The following RDH11 variants were observed in gnomAD, a reference collection of about 807,000 sequenced individuals.
The protein encoded by RDH11 is HCV core-binding protein HCBP12.
RDH11 carries 19 observed loss-of-function variants against 33.4 expected under a neutral mutation model. The ratio of observed to expected loss-of-function variants is 0.57; its 90% CI spans 0.40 to 0.83. The LOEUF (loss-of-function observed/expected upper bound fraction) is 0.83. RDH11 is among the 40% of genes least tolerant of loss of function. The pLI, the probability that RDH11 is intolerant of heterozygous loss-of-function variation, is 0.00. For missense variants in RDH11, 353 were observed against 389.0 expected (o/e 0.91, Z 0.78); for synonymous variants, 154 against 155.3 (o/e 0.99, Z 0.06).
chr14:67,688,969 C>G (rs2037715252), intron 5 of RDH11, among the ~76,000 whole-genome samples: 1 of 152,188 alleles, frequency 6.6e-6, no homozygotes, highest in African/African-American at 2.4e-5. Flanking sequence ...AATGAATCTT[C>G]TGTCAAACCA....
Position 67,692,433 on chromosome 14 carries a change from C to T in RDH11, c.349+5G>A, listed in dbSNP as rs771622610. On this transcript the variant is annotated splice_donor_5th_base_variant and intron_variant, in intron 3 of 6. Transcript: ENST00000381346. ...ACAACATAGTCTCTCTAGTTCTACA[C>T]TTACCAGCTAAGAAGCCCTTAGCAA... 1 of 1,614,126 alleles carries T rather than the reference C, an allele frequency of 6.2e-7. No homozygotes were observed. Among genetic ancestry groups the T allele is most frequent in the Admixed American group, 1.7e-5 (1 of 60,012 alleles).
Position 67,678,203 on chromosome 14 carries a change from T to C in RDH11, c.*118A>G, listed in dbSNP as rs2037567877. ...TAACTGGACACCAAGCAGGCAAGGC[T>C]GGAAGGTTTTGCTCTCTTTGTGCTA... On this transcript the variant is annotated 3_prime_UTR_variant, in exon 7 of 7. Coordinates refer to ENST00000381346, the MANE Select transcript of RDH11 (RefSeq NM_016026.4). 1 of 680,398 alleles carries C rather than the reference T, an allele frequency of 1.5e-6. No individual in the cohort carries two copies. Among genetic ancestry groups the C allele is most frequent in the African/African-American group, 1.8e-5 (1 of 56,000 alleles). The allele number at this position is 680,398 out of a possible 1,614,324, so 42.1% of individuals were successfully genotyped here. A position where few individuals can be genotyped will look rare whatever the true frequency, so the allele number is the denominator to read the frequency against.
intron 6 of RDH11, among the ~76,000 whole-genome samples, chr14:67,681,504 C>T (rs560166387): frequency 2.6e-4 from 39 of 152,194 alleles, no homozygotes; most frequent in African/African-American, 8.9e-4. Context: ...AGTTCAAGGC[C>T]GGGTGTGGTG....
chr14:67,681,884 T>TA (rs1345652741), intron 6 of RDH11, among the ~76,000 whole-genome samples: 2 of 152,154 alleles, frequency 1.3e-5, no homozygotes, highest in South Asian at 2.1e-4. Flanking sequence ...ATGTATCCCT[T>TA]AAAAAATCAC....
At chr14:67,693,837 GAC>G (rs2037787266) in intron 1 of RDH11, among the ~76,000 whole-genome samples, 1 of 152,094 alleles carries the variant, frequency 6.6e-6, no homozygotes, top group Admixed American at 6.5e-5. Context: ...TTTTAGTAGA[GAC>G]AGGGTTTCAC....
At chr14:67,690,008 C>T (rs1358212241) in intron 5 of RDH11, 2 of 557,708 alleles carry the variant, frequency 3.6e-6, no homozygotes, top group East Asian at 6.2e-5. Context: ...AAAGCCAGGC[C>T]TTCAGACTCA....
Position 67,695,646 on chromosome 14 carries a change from CCATATACA to C in RDH11, c.50_57del (p.Leu17ArgfsTer31). 1 of 1,614,162 alleles carries C rather than the reference CCATATACA, an allele frequency of 6.2e-7. No individual in the cohort carries two copies. The highest frequency in any genetic ancestry group is 8.5e-7 in the Non-Finnish European group (1 of 1,180,014). Reference sequence around the variant, plus strand: ...TGCACAGACCTGATTTGGGGCGCAGCCATATACAGAAGGAAGGGCAGAAGGAGGAGCAA... The same window carrying C: ...TGCACAGACCTGATTTGGGGCGCAGCGAAGGAAGGGCAGAAGGAGGAGCAA... On this transcript the variant is annotated frameshift_variant, in exon 1 of 7. Coordinates refer to ENST00000381346, the MANE Select transcript of RDH11 (RefSeq NM_016026.4). LOFTEE classifies it high-confidence loss of function.
At chr14:67,694,278 C>T (rs1357844122) in intron 1 of RDH11, among the ~76,000 whole-genome samples, 5 of 152,066 alleles carry the variant, frequency 3.3e-5, no homozygotes, top group Non-Finnish European at 5.9e-5. Flanking sequence ...TCCCACATCC[C>T]CTTACTGTAT....
chr14:67,689,989 G>A (rs1395670715), intron 5 of RDH11: 7 of 520,974 alleles, frequency 1.3e-5, no homozygotes, highest in East Asian at 3.5e-5. Flanking sequence ...CACACAGCTA[G>A]TAAGTAGTAA....
In RDH11 at chr14:67,690,735, G is replaced by C. The variant is rs146592059; in HGVS notation, c.455-314C>G. The stretch of plus-strand genomic sequence containing the variant: ...GCGGTGGCTCACGCCGGTAATCTCA[G>C]CACTTAAAGAGGCTGAGGCAGGAAG... On this transcript the variant is annotated intron_variant, in intron 4 of 6. Coordinates refer to ENST00000381346, the MANE Select transcript of RDH11 (RefSeq NM_016026.4). 323 of 399,394 alleles carry C rather than the reference G, an allele frequency of 8.1e-4. 2 individuals carry two copies. The highest frequency in any genetic ancestry group is 6.2e-3 in the African/African-American group (307 of 49,350). 24.7% of individuals were successfully genotyped at this position (399,394 alleles called of 1,614,324 possible).
At chr14:67,689,142 A>G (rs957717638) in intron 5 of RDH11, among the ~76,000 whole-genome samples, 4 of 152,210 alleles carry the variant, frequency 2.6e-5, no homozygotes, top group Non-Finnish European at 5.9e-5. Flanking sequence ...CCATCCAGTT[A>G]CCCTTATCTA....
In RDH11 at chr14:67,676,804, G is replaced by A. The variant is rs2037545742; in HGVS notation, c.*1517C>T. 6.6e-6 allele frequency: 1 copy of A among 152,110 alleles called. No homozygotes were observed. Among genetic ancestry groups the A allele is most frequent in the Admixed American group, 6.5e-5 (1 of 15,278 alleles). 9.4% of individuals were successfully genotyped at this position (152,110 alleles called of 1,614,324 possible). On this transcript the variant is annotated 3_prime_UTR_variant, in exon 7 of 7. Coordinates refer to ENST00000381346, the MANE Select transcript of RDH11 (RefSeq NM_016026.4). The stretch of plus-strand genomic sequence containing the variant: ...ATAATGAACAGTGTTTTCTTCTTTT[G>A]ACTGTAATCAAACTTTTAATTCTTA...
chr14:67,681,251 A>G (rs1380004520), intron 6 of RDH11, among the ~76,000 whole-genome samples: 1 of 152,240 alleles, frequency 6.6e-6, no homozygotes, highest in Non-Finnish European at 1.5e-5. Flanking sequence ...CTCACCAGAG[A>G]CCAACCAGGC....
chr14:67,685,463 C>T (rs557386329), intron 5 of RDH11, among the ~76,000 whole-genome samples: 27 of 152,280 alleles, frequency 1.8e-4, no homozygotes, highest in Admixed American at 1.4e-3. Context: ...AAGACTCATC[C>T]TCTCAGCAGC....
At chr14:67,690,974 C>A in intron 4 of RDH11, 166 bp downstream of exon 4, 1 of 636,150 alleles carries the variant, frequency 1.6e-6, no homozygotes, top group South Asian at 2.0e-5. Context: ...CCTGGAGCAG[C>A]CCTCAGGTAT....
In RDH11 at chr14:67,691,372, T is replaced by A. The variant is rs1420456469; in HGVS notation, c.350-128A>T. 7 of 647,780 alleles carry A rather than the reference T, an allele frequency of 1.1e-5. No individual in the cohort carries two copies. In the East Asian group the frequency reaches 1.5e-4, roughly 14 times the overall value. The allele number at this position is 647,780 out of a possible 1,614,324, so 40.1% of individuals were successfully genotyped here. A position where few individuals can be genotyped will look rare whatever the true frequency, so the allele number is the denominator to read the frequency against. ...CAATCTTCCCTCCATTTTTCCTTCATATTTATTTTCTATTGTTTTTCATTT... is the reference window on the plus strand; with the variant it reads ...CAATCTTCCCTCCATTTTTCCTTCAAATTTATTTTCTATTGTTTTTCATTT... On this transcript the variant is annotated intron_variant, in intron 3 of 6. Transcript: ENST00000381346.
At chr14:67,679,536 T>G (rs560707405) in intron 6 of RDH11, among the ~76,000 whole-genome samples, 2 of 152,024 alleles carry the variant, frequency 1.3e-5, no homozygotes, top group African/African-American at 4.8e-5. Flanking sequence ...CCAGAGTAGC[T>G]GGGATTATAG....
At position 67,685,064 on chromosome 14, in the gene RDH11, G is replaced by A. The variant is rs1313909622; in HGVS notation, c.805C>T (p.His269Tyr). ...TCAAGACCTTCTGTTAAGGCACAGT[G>A]CAGGCTGGTCTGGGCTCCCTGCTGA... is the stretch of plus-strand genomic sequence containing the variant. ...TPQQGAQTSL[H>Y]CALTEGLEIL... Residue 269 changes from histidine to tyrosine, a missense_variant, in exon 6 of 7, where the codon CAC (histidine) becomes TAC (tyrosine). Physicochemically the swap from His to Tyr is moderately conservative, Grantham distance 83. Coordinates refer to ENST00000381346, the MANE Select transcript of RDH11 (RefSeq NM_016026.4). 4 of 1,614,188 alleles carry A rather than the reference G, an allele frequency of 2.5e-6. No individual in the cohort carries two copies. The highest frequency in any genetic ancestry group is 3.3e-5 in the Admixed American group (2 of 60,034).
intron 5 of RDH11, among the ~76,000 whole-genome samples, chr14:67,688,650 C>A (rs1255218369): frequency 6.7e-6 from 1 of 149,198 alleles, no homozygotes; most frequent in Admixed American, 6.7e-5. Flanking sequence ...TTTGCCCAGG[C>A]TGATCTTGAA....
Sources: gnomAD v4.1 joint callset for allele counts (sites outside exome capture counted in the v4.1 genomes callset) on GRCh38, gnomAD v4.1.1 for gene constraint, MANE v1.5 for transcripts, NCBI Gene and HGNC (gene_info 2026-07-23, HGNC 2026-07-21) for gene names.